Variants in MRPL48 observed in about 807,000 individuals in gnomAD.
MRPL48 encodes mitochondrial ribosomal protein L48, also known as large ribosomal subunit protein mL48.
MRPL48 carries 16 observed loss-of-function variants against 32.9 expected under a neutral mutation model. The observed-to-expected ratio is 0.49, with a 90% CI of 0.33 to 0.74. MRPL48 has a LOEUF of 0.74. MRPL48 is among the 30% of genes least tolerant of loss of function. The pLI is 0.02. For synonymous variants in MRPL48, 94 were observed against 89.2 expected, an observed-to-expected ratio of 1.05 and a Z score of -0.31; for missense variants, 206 against 245.3, an observed-to-expected ratio of 0.84 and a Z score of 1.07.
At chr11:73,816,553 C>CTT (rs767451152) in intron 3 of MRPL48, among the ~76,000 whole-genome samples, 5 of 152,084 alleles carry the variant, frequency 3.3e-5, no homozygotes, top group Admixed American at 6.6e-5. Flanking sequence ...GCAACCTCCA[C>CTT]CTCCCGGTTC....
At chr11:73,854,993 TA>T (rs1192809634) in intron 5 of MRPL48, among the ~76,000 whole-genome samples, 1 of 152,172 alleles carries the variant, frequency 6.6e-6, no homozygotes, top group African/African-American at 2.4e-5. Flanking sequence ...ATGGGGTTAC[TA>T]AAAGCACCTA....
chr11:73,815,420 A>C (rs2134987001), intron 3 of MRPL48, among the ~76,000 whole-genome samples: 1 of 152,250 alleles, frequency 6.6e-6, no homozygotes, highest in East Asian at 1.9e-4. Flanking sequence ...ATCTCAAAAA[A>C]AAAAAATCTG....
At chr11:73,829,280 G>T (rs1386660218) in intron 4 of MRPL48, among the ~76,000 whole-genome samples, 1 of 152,164 alleles carries the variant, frequency 6.6e-6, no homozygotes, top group African/African-American at 2.4e-5. Context: ...TGAGAAAGCA[G>T]GGTGAGGAGG....
At chr11:73,819,232 T>C (rs1485992626) in intron 3 of MRPL48, among the ~76,000 whole-genome samples, 1 of 152,256 alleles carries the variant, frequency 6.6e-6, no homozygotes, top group African/African-American at 2.4e-5. Flanking sequence ...GCAGATGCTC[T>C]AATTATAGGA....
chr11:73,794,509 C>A (rs577904517), intron 1 of MRPL48, among the ~76,000 whole-genome samples: 1 of 150,472 alleles, frequency 6.6e-6, no homozygotes, highest in Non-Finnish European at 1.5e-5. Flanking sequence ...GAGCCGAGAT[C>A]GTGTTATTGC....
intron 3 of MRPL48, chr11:73,822,979 C>T (rs778120585): frequency 2.2e-6 from 1 of 452,920 alleles, no homozygotes; most frequent in Non-Finnish European, 4.4e-6. Flanking sequence ...AATCTAATGC[C>T]TGATGATCTG....
At chr11:73,794,890 A>G (rs1331061142) in intron 1 of MRPL48, among the ~76,000 whole-genome samples, 1 of 146,594 alleles carries the variant, frequency 6.8e-6, no homozygotes, top group African/African-American at 2.5e-5. Flanking sequence ...GATAACAGGC[A>G]TGCACCACCA....
At chr11:73,830,839 CTCTTTCTTTCTT>C (rs532178771) in intron 4 of MRPL48, among the ~76,000 whole-genome samples, 2 of 151,684 alleles carry the variant, frequency 1.3e-5, no homozygotes, top group African/African-American at 4.8e-5. Flanking sequence ...CTGTTTTTAT[CTCTTTCTTTCTT>C]TCTTTCTTTC....
intron 1 of MRPL48, among the ~76,000 whole-genome samples, chr11:73,792,752 T>G (rs1363062031): frequency 6.6e-6 from 1 of 152,210 alleles, no homozygotes; most frequent in Admixed American, 6.5e-5. Context: ...CTTCAGCACC[T>G]GTCACACCCT....
chr11:73,853,483 A>G (rs1948434418), intron 5 of MRPL48, among the ~76,000 whole-genome samples: 1 of 152,076 alleles, frequency 6.6e-6, no homozygotes. Flanking sequence ...ACCTTGGGAA[A>G]TTCTGAGCCT....
Position 73,817,573 on chromosome 11 carries a change from A to G in MRPL48, c.113-8135A>G, listed in dbSNP as rs890672125. Among the ~76,000 whole-genome samples, 89 of 152,040 alleles carry G rather than the reference A, an allele frequency of 5.9e-4. 1 individual carries two copies. Among genetic ancestry groups the G allele is most frequent in the Non-Finnish European group, 1.3e-4 (9 of 68,006 alleles). ...GCTTTCCCTTGTGTTTGGAATTTTC[A>G]TGTCTTTGATTACTAGTTGGTTGAA... On this transcript the variant is annotated intron_variant, in intron 3 of 7. Coordinates refer to ENST00000310614, the MANE Select transcript of MRPL48 (RefSeq NM_016055.6).
intron 4 of MRPL48, among the ~76,000 whole-genome samples, chr11:73,827,558 C>T (rs541347909): frequency 6.6e-6 from 1 of 152,054 alleles, no homozygotes; most frequent in Non-Finnish European, 1.5e-5. Flanking sequence ...GGTATAAGAT[C>T]TGTCTTTCAA....
intron 5 of MRPL48, among the ~76,000 whole-genome samples, chr11:73,857,586 AC>A (rs1948506389): frequency 8.8e-6 from 1 of 113,730 alleles, no homozygotes; most frequent in Non-Finnish European, 1.7e-5. Flanking sequence ...GGCCGCATAG[AC>A]TTTTTTTTTT....
intron 4 of MRPL48, among the ~76,000 whole-genome samples, chr11:73,826,493 T>C (rs1947892177): frequency 6.6e-6 from 1 of 152,158 alleles, no homozygotes; most frequent in African/African-American, 2.4e-5. Context: ...TTGTTAGTTT[T>C]TTTGAGATGG....
At chr11:73,850,120 A>T (rs1286868503) in intron 5 of MRPL48, among the ~76,000 whole-genome samples, 1 of 152,106 alleles carries the variant, frequency 6.6e-6, no homozygotes, top group Non-Finnish European at 1.5e-5. Flanking sequence ...AACAACAAAA[A>T]TGTAGCTTAG....
intron 3 of MRPL48, among the ~76,000 whole-genome samples, chr11:73,824,037 G>A (rs956429639): frequency 6.6e-6 from 1 of 151,754 alleles, no homozygotes; most frequent in Non-Finnish European, 1.5e-5. Flanking sequence ...TGTATCTTTA[G>A]TAGAGATGGG....
At chr11:73,822,481 A>G (rs983634222) in intron 3 of MRPL48, among the ~76,000 whole-genome samples, 1 of 152,164 alleles carries the variant, frequency 6.6e-6, no homozygotes, top group African/African-American at 2.4e-5. Flanking sequence ...CAGTGTCTAT[A>G]CAGTTATTGG....
At chr11:73,840,489 G>GTTGTTGT (rs1348974012) in intron 4 of MRPL48, among the ~76,000 whole-genome samples, 6 of 152,030 alleles carry the variant, frequency 3.9e-5, no homozygotes, top group Non-Finnish European at 7.4e-5. Flanking sequence ...GTAAGACCCT[G>GTTGTTGT]TTGTTGTTTT....
At chr11:73,843,016 T>C (rs1948219948) in intron 4 of MRPL48, 1 of 152,028 alleles carries the variant, frequency 6.6e-6, no homozygotes, top group African/African-American at 2.4e-5. Context: ...GATCTAGCTA[T>C]GTTGTCAGGG....
Sources: allele counts gnomAD v4.1 joint callset (sites outside exome capture counted in the v4.1 genomes callset), GRCh38; gene constraint gnomAD v4.1.1; transcripts MANE v1.5; gene names NCBI Gene and HGNC (gene_info 2026-07-23, HGNC 2026-07-21).